The following EYS variants were observed in gnomAD, a reference collection of about 807,000 sequenced individuals.
EYS encodes the protein protein eyes shut homolog.
In EYS, 250 loss-of-function variants were observed where a neutral mutation model predicts 282.1. The observed-to-expected ratio is 0.89, with a 90% CI of 0.80 to 0.98. EYS has a LOEUF of 0.98. EYS is among the 50% of genes least tolerant of loss of function. EYS has a pLI of 0.00. For synonymous variants in EYS, 1,355 were observed against 1,282.9 expected (o/e 1.06, Z -1.20); for missense variants, 4,016 against 3,709.0 (o/e 1.08, Z -2.15).
At chr6:63,905,700 C>CTG (rs1773763154) in intron 35 of EYS, among the ~76,000 whole-genome samples, 1 of 152,186 alleles carries the variant, frequency 6.6e-6, no homozygotes, top group Non-Finnish European at 1.5e-5. Context: ...TTTTATGGTA[C>CTG]TGTATTGTGT....
chr6:65,229,377 T>G (rs1227179663), intron 12 of EYS, among the ~76,000 whole-genome samples: 1 of 151,946 alleles, frequency 6.6e-6, no homozygotes, highest in African/African-American at 2.4e-5. Context: ...GCAAGGATGT[T>G]GTTTTTGTTT....
chr6:64,311,130 G>A (rs1197315150), intron 29 of EYS, among the ~76,000 whole-genome samples: 3 of 152,024 alleles, frequency 2.0e-5, no homozygotes, highest in Non-Finnish European at 2.9e-5. Flanking sequence ...CTGAACTCAA[G>A]TACTGAGCCT....
chr6:64,213,591 A>T (rs1765848046), intron 31 of EYS, among the ~76,000 whole-genome samples: 1 of 152,186 alleles, frequency 6.6e-6, no homozygotes, highest in Non-Finnish European at 1.5e-5. Flanking sequence ...ATAAACTTGC[A>T]TGAGGGTCAC....
intron 35 of EYS, among the ~76,000 whole-genome samples, chr6:63,931,263 G>A (rs1764885337): frequency 6.6e-6 from 1 of 152,090 alleles, no homozygotes; most frequent in Admixed American, 6.6e-5. Context: ...TGAGAGTCAA[G>A]AGCAGACTCT....
intron 5 of EYS, among the ~76,000 whole-genome samples, chr6:65,438,503 T>C (rs924515997): frequency 1.3e-5 from 2 of 152,118 alleles, no homozygotes; most frequent in African/African-American, 4.8e-5. Context: ...TTTCTCCACA[T>C]CCTCTCTAGC....
At chr6:65,701,820 T>C (rs1432366338) in intron 1 of EYS, among the ~76,000 whole-genome samples, 1 of 152,182 alleles carries the variant, frequency 6.6e-6, no homozygotes, top group Non-Finnish European at 1.5e-5. Context: ...GGCATATACA[T>C]ATATATAGAG....
intron 22 of EYS, among the ~76,000 whole-genome samples, chr6:64,770,729 T>C (rs74728105): frequency 0.042 from 6,341 of 151,916 alleles, 157 homozygotes; most frequent in East Asian, 0.077. Flanking sequence ...TTATTATTAT[T>C]AGTAGCAGTA....
Position 64,537,695 on chromosome 6 carries a change from T to G in EYS, c.5644+52528A>C, listed in dbSNP as rs1052571453. Among the ~76,000 whole-genome samples, 5 of 152,290 alleles carry G rather than the reference T, an allele frequency of 3.3e-5. No individual in the cohort carries two copies. The East Asian group carries it at 9.6e-4, about 29-fold the overall frequency. On this transcript the variant is annotated intron_variant, in intron 26 of 42. Coordinates refer to ENST00000503581, the MANE Select transcript of EYS (RefSeq NM_001142800.2). ...TTTTAGAGACTTCATGATGAGTACT[T>G]GGTTGTCCCTAAGTTTTTCTGACAA...
chr6:64,989,412 T>TATATATATATATATATATATATATGA (rs1770974652), intron 14 of EYS, among the ~76,000 whole-genome samples: 1 of 123,052 alleles, frequency 8.1e-6, no homozygotes, highest in Non-Finnish European at 1.7e-5. Context: ...TATATATATA[T>TATATATATATATATATATATATATGA]ATATGAATAT....
At chr6:65,676,779 A>G (rs1768616614) in intron 1 of EYS, among the ~76,000 whole-genome samples, 1 of 151,866 alleles carries the variant, frequency 6.6e-6, no homozygotes, top group Non-Finnish European at 1.5e-5. Flanking sequence ...AATATTCCAG[A>G]TGAATACAGA....
At chr6:64,693,740 C>T (rs1273689027) in intron 22 of EYS, among the ~76,000 whole-genome samples, 2 of 151,738 alleles carry the variant, frequency 1.3e-5, no homozygotes, top group South Asian at 2.1e-4. Flanking sequence ...ATAGCGTAGC[C>T]ATTAATTTTT....
chr6:64,089,746 A>G (rs1012239920), intron 31 of EYS, among the ~76,000 whole-genome samples: 1 of 152,050 alleles, frequency 6.6e-6, no homozygotes, highest in African/African-American at 2.4e-5. Context: ...TGCTGTTAGT[A>G]CAGCTGTTAT....
At chr6:65,516,175 C>G (rs1270632960) in intron 2 of EYS, among the ~76,000 whole-genome samples, 2 of 151,994 alleles carry the variant, frequency 1.3e-5, no homozygotes, top group African/African-American at 4.8e-5. Context: ...AATTCTGGCA[C>G]ATAGCAGGTT....
At chr6:65,215,441 G>C (rs1489886620) in intron 12 of EYS, among the ~76,000 whole-genome samples, 1 of 152,186 alleles carries the variant, frequency 6.6e-6, no homozygotes, top group East Asian at 1.9e-4. Flanking sequence ...GCAATCTCAT[G>C]ATAAAACTTG....
intron 26 of EYS, among the ~76,000 whole-genome samples, chr6:64,579,830 T>C (rs1209138185): frequency 6.6e-6 from 1 of 152,140 alleles, no homozygotes; most frequent in Non-Finnish European, 1.5e-5. Context: ...AGCACTATAC[T>C]GGCCGGTTAC....
chr6:65,698,209 T>C (rs1769527448), intron 1 of EYS, among the ~76,000 whole-genome samples: 1 of 152,158 alleles, frequency 6.6e-6, no homozygotes, highest in African/African-American at 2.4e-5. Context: ...AATAAATATT[T>C]ATCTTCCGTA....
chr6:65,638,057 C>T (rs1272423250), intron 2 of EYS, among the ~76,000 whole-genome samples: 1 of 152,122 alleles, frequency 6.6e-6, no homozygotes, highest in Admixed American at 6.6e-5. Context: ...GTGCTTTTTT[C>T]GGGCCTGCCA....
chr6:64,118,628 A>G (rs1773469453), intron 31 of EYS, among the ~76,000 whole-genome samples: 1 of 152,194 alleles, frequency 6.6e-6, no homozygotes, highest in Non-Finnish European at 1.5e-5. Flanking sequence ...GTTTGGGCAA[A>G]GATTTTAATG....
chr6:64,618,712 C>A (rs181228086), intron 23 of EYS, among the ~76,000 whole-genome samples: 1 of 152,060 alleles, frequency 6.6e-6, no homozygotes, highest in Non-Finnish European at 1.5e-5. Context: ...TTAGAAATAG[C>A]GGCCAAGAGA....
Sources: gnomAD v4.1 joint callset for allele counts (sites outside exome capture counted in the v4.1 genomes callset) on GRCh38, gnomAD v4.1.1 for gene constraint, MANE v1.5 for transcripts, NCBI Gene and HGNC (gene_info 2026-07-23, HGNC 2026-07-21) for gene names.